Variants in SORCS2 observed in about 807,000 individuals in gnomAD.
SORCS2 encodes VPS10 domain-containing receptor SorCS2.
Under a neutral mutation model 141.6 loss-of-function variants are expected in SORCS2, and 100 were observed. That is an observed-to-expected ratio of 0.71 (90% confidence interval 0.60 to 0.83). The LOEUF is 0.83. Among genes scored for constraint, SORCS2 ranks in the 40% least tolerant of loss-of-function variants. SORCS2 has a pLI of 0.00. For synonymous variants in SORCS2, 789 were observed against 676.9 expected (o/e 1.17, Z -2.57); for missense variants, 1,646 against 1,560.2 (o/e 1.05, Z -0.93).
At position 7,469,922 on chromosome 4, in the gene SORCS2, T is replaced by G. The variant is rs111914835; in HGVS notation, c.549-61608T>G. ...TTGTCATCAGAGACAGGAAGACAAT[T>G]GTTATCAAACAATGGGTCTTCATGC... On this transcript the variant is annotated intron_variant, in intron 2 of 26. Coordinates refer to ENST00000507866, the MANE Select transcript of SORCS2 (RefSeq NM_020777.3). Among the ~76,000 whole-genome samples, 1,323 of 152,230 alleles carry G rather than the reference T, an allele frequency of 8.7e-3. 15 individuals are homozygous for G. Among genetic ancestry groups the G allele is most frequent in the African/African-American group, 0.03 (1,265 of 41,522 alleles).
At chr4:7,416,218 C>T (rs1442318570) in intron 2 of SORCS2, among the ~76,000 whole-genome samples, 5 of 152,086 alleles carry the variant, frequency 3.3e-5, no homozygotes, top group Non-Finnish European at 1.5e-5. Flanking sequence ...CTCGAGCAAA[C>T]ATTTGGCTGC....
intron 5 of SORCS2, among the ~76,000 whole-genome samples, chr4:7,660,025 A>C (rs1470344949): frequency 6.6e-6 from 1 of 152,190 alleles, no homozygotes; most frequent in East Asian, 1.9e-4. Flanking sequence ...GGTATAATCA[A>C]ACCATTCGGG....
rs11946146 is a variant in SORCS2 at position 7,644,484 on chromosome 4, C to T, written c.813+5992C>T. ...TCACTTTCATCTTCCAAAATTGGCA[C>T]GAGTGCATCCACCTGACCTGGAAAT... On this transcript the variant is annotated intron_variant, in intron 4 of 26. Coordinates refer to ENST00000507866, the MANE Select transcript of SORCS2 (RefSeq NM_020777.3). 7.6e-3 allele frequency among the ~76,000 whole-genome samples: 1,157 copies of T among 152,304 alleles called. 16 individuals are homozygous for T. Among genetic ancestry groups the T allele is most frequent in the African/African-American group, 0.026 (1,065 of 41,566 alleles).
intron 1 of SORCS2, among the ~76,000 whole-genome samples, chr4:7,350,553 G>A (rs1720880545): frequency 6.6e-6 from 1 of 152,234 alleles, no homozygotes; most frequent in Non-Finnish European, 1.5e-5. Flanking sequence ...CTGATGGGGT[G>A]TGCTGGCTGC....
At chr4:7,556,323 G>A (rs562825982) in intron 3 of SORCS2, among the ~76,000 whole-genome samples, 8 of 152,244 alleles carry the variant, frequency 5.3e-5, no homozygotes, top group Non-Finnish European at 7.4e-5. Flanking sequence ...AAGGTGCCTC[G>A]AGGCATCTGA....
intron 2 of SORCS2, among the ~76,000 whole-genome samples, chr4:7,437,775 G>T (rs896957167): frequency 1.3e-5 from 2 of 152,086 alleles, no homozygotes; most frequent in African/African-American, 2.4e-5. Flanking sequence ...GCTGCAAGAA[G>T]GGTACAAGGC....
intron 3 of SORCS2, among the ~76,000 whole-genome samples, chr4:7,541,016 G>A (rs888459290): frequency 2.0e-5 from 3 of 152,202 alleles, no homozygotes; most frequent in Non-Finnish European, 2.9e-5. Flanking sequence ...GCTCAGACAG[G>A]ACCAAACTAT....
intron 1 of SORCS2, among the ~76,000 whole-genome samples, chr4:7,275,514 G>A (rs1041784554): frequency 3.3e-5 from 5 of 152,148 alleles, no homozygotes; most frequent in African/African-American, 9.7e-5. Flanking sequence ...ACTTTGTAGA[G>A]GCTGAATGTC....
Position 7,530,138 on chromosome 4 carries a change from T to G in SORCS2, c.549-1392T>G, listed in dbSNP as rs182570394. ...GATGTAGGGAGGAAACGTCTCCAAGTAGAAACCACCAAAGATGTGTTCTAG... is the reference window on the plus strand; with the variant it reads ...GATGTAGGGAGGAAACGTCTCCAAGGAGAAACCACCAAAGATGTGTTCTAG... On this transcript the variant is annotated intron_variant, in intron 2 of 26. Coordinates refer to ENST00000507866, the MANE Select transcript of SORCS2 (RefSeq NM_020777.3). Among the ~76,000 whole-genome samples the G allele has an allele frequency of 6.2e-4, 95 of 152,366 alleles. 1 individual carries two copies. In the Middle Eastern group the frequency reaches 0.017, roughly 27 times the overall value.
At chr4:7,474,680 C>T (rs963896764) in intron 2 of SORCS2, among the ~76,000 whole-genome samples, 2 of 152,206 alleles carry the variant, frequency 1.3e-5, no homozygotes, top group African/African-American at 4.8e-5. Flanking sequence ...TGGACAAACA[C>T]CCTGGGGAGC....
At chr4:7,271,778 C>G (rs565714485) in intron 1 of SORCS2, among the ~76,000 whole-genome samples, 26 of 152,326 alleles carry the variant, frequency 1.7e-4, no homozygotes, top group Admixed American at 1.2e-3. Context: ...TAAGAGTTTT[C>G]CAGGTGGAGA....
chr4:7,283,077 A>G (rs573878587), intron 1 of SORCS2, among the ~76,000 whole-genome samples: 27 of 152,004 alleles, frequency 1.8e-4, no homozygotes, highest in Non-Finnish European at 3.7e-4. Flanking sequence ...TCATTCACTC[A>G]TTTCTTCACT....
chr4:7,525,870 AGTCACCTGTCCCCTCCTCAGT>A (rs1560356269), intron 2 of SORCS2, among the ~76,000 whole-genome samples: 4,558 of 100,318 alleles, frequency 0.045, 339 homozygotes, highest in African/African-American at 0.068. Context: ...TCCCCTCCTC[AGTCACCTGTCCCCTCCTCAGT>A]CACCTGTCTC....
intron 23 of SORCS2, among the ~76,000 whole-genome samples, 199 bp from the exon 24 acceptor site, chr4:7,733,123 G>T (rs969617291): frequency 1.8e-4 from 26 of 148,392 alleles, no homozygotes; most frequent in Admixed American, 1.5e-3. Context: ...CCAGAGGAGG[G>T]CCCTTCCTCC....
chr4:7,535,209 C>G (rs1342446567), intron 3 of SORCS2, among the ~76,000 whole-genome samples: 1 of 152,182 alleles, frequency 6.6e-6, no homozygotes, highest in Non-Finnish European at 1.5e-5. Context: ...GCCATGATCC[C>G]CTAGGTTGGA....
intron 1 of SORCS2, 149 bp from the exon 2 acceptor site, chr4:7,396,139 A>T (rs1318353563): frequency 6.2e-6 from 4 of 641,646 alleles, no homozygotes; most frequent in Non-Finnish European, 8.2e-6. Flanking sequence ...GGTGGCCCAG[A>T]GCCTCTCAGG....
rs367925730 is a variant in SORCS2 at position 7,232,055 on chromosome 4, G to A, written c.480+38929G>A. ...CTGAGGATGCTGACATCTGGGCAGC[G>A]GAGCTGAGATGACGGAGTTGCGGAT... On this transcript the variant is annotated intron_variant, in intron 1 of 26. Coordinates refer to ENST00000507866, the MANE Select transcript of SORCS2 (RefSeq NM_020777.3). 6.6e-5 allele frequency among the ~76,000 whole-genome samples: 10 copies of A among 152,234 alleles called. No individual in the cohort carries two copies. The East Asian group carries it at 1.7e-3, about 26-fold the overall frequency.
intron 1 of SORCS2, among the ~76,000 whole-genome samples, chr4:7,275,241 G>C (rs1382212522): frequency 6.6e-6 from 1 of 152,134 alleles, no homozygotes; most frequent in Non-Finnish European, 1.5e-5. Flanking sequence ...AAAACAAATA[G>C]AATTGTTATG....
At chr4:7,337,385 G>A (rs6446591) in intron 1 of SORCS2, among the ~76,000 whole-genome samples, 76,193 of 151,898 alleles carry the variant, frequency 0.5, 19,366 homozygotes, top group East Asian at 0.57. Context: ...GCTTCATGCC[G>A]GGAGAAGGTG....
Sources: allele counts gnomAD v4.1 joint callset (sites outside exome capture counted in the v4.1 genomes callset), GRCh38; gene constraint gnomAD v4.1.1; transcripts MANE v1.5; gene names NCBI Gene and HGNC (gene_info 2026-07-23, HGNC 2026-07-21).